Variants in GOLGA1 observed in about 807,000 individuals in gnomAD.
The protein encoded by GOLGA1 is golgin A1, also known as golgin subfamily A member 1.
Under a neutral mutation model 119.7 loss-of-function variants are expected in GOLGA1, and 63 were observed. The observed-to-expected ratio is 0.53, with a 90% confidence interval of 0.43 to 0.65. GOLGA1 has a LOEUF of 0.65. Ranked by LOEUF, GOLGA1 falls within the 30% of genes least tolerant of loss-of-function variation. The pLI, the probability that GOLGA1 is intolerant of heterozygous loss-of-function variation, is 0.00. For synonymous variants in GOLGA1, 318 were observed against 333.4 expected, an observed-to-expected ratio of 0.95 and a Z score of 0.50; for missense variants, 798 against 912.8, an observed-to-expected ratio of 0.87 and a Z score of 1.62.
chr9:124,926,439 C>G (rs989324177), intron 7 of GOLGA1, among the ~76,000 whole-genome samples: 3 of 152,138 alleles, frequency 2.0e-5, no homozygotes, highest in Non-Finnish European at 4.4e-5. Flanking sequence ...ATTCTGAGCC[C>G]TGCTGATACA....
intron 10 of GOLGA1, among the ~76,000 whole-genome samples, chr9:124,913,154 C>A (rs1480914944): frequency 2.6e-5 from 4 of 152,132 alleles, no homozygotes; most frequent in Non-Finnish European, 5.9e-5. Context: ...CATCAGCTCT[C>A]ATGAGAACTC....
chr9:124,902,818 C>T (rs1466058259), intron 12 of GOLGA1, among the ~76,000 whole-genome samples: 1 of 152,068 alleles, frequency 6.6e-6, no homozygotes, highest in Non-Finnish European at 1.5e-5. Context: ...GGCCTAGGCT[C>T]CTCACATACA....
At chr9:124,924,636 CAAAAA>C (rs71374206) in intron 7 of GOLGA1, among the ~76,000 whole-genome samples, 93 of 108,706 alleles carry the variant, frequency 8.6e-4, no homozygotes, top group Non-Finnish European at 2.1e-4. Context: ...GACCCTGTCT[CAAAAA>C]AAAAAAAAAA....
chr9:124,880,917 C>T (rs1042246337), intron 22 of GOLGA1, among the ~76,000 whole-genome samples: 4 of 152,134 alleles, frequency 2.6e-5, no homozygotes, highest in East Asian at 1.9e-4. Context: ...CTGGGGCTCT[C>T]GATAAAGCGC....
intron 19 of GOLGA1, among the ~76,000 whole-genome samples, chr9:124,886,274 A>C (rs1167079250): frequency 6.6e-6 from 1 of 152,172 alleles, no homozygotes; most frequent in Non-Finnish European, 1.5e-5. Context: ...AGTGCAGAGA[A>C]GAGCTGTGAG....
rs1354441683 is a variant in GOLGA1 at position 124,923,179 on chromosome 9, C to T, written c.477G>A (p.Gln159=). 2 of 1,598,074 alleles carry T rather than the reference C, an allele frequency of 1.3e-6. No homozygotes were observed. The highest frequency in any genetic ancestry group is 1.7e-6 in the Non-Finnish European group (2 of 1,166,568). ...LTAQLQEMKN[Q]SMNLFQRRDE... is the part of the protein sequence containing the mutation. ...CTCTCCTTTGGAAAAGATTCATACT[C>T]TGGTTCTTCATTTCCTGTAACTGGG... Residue 159 remains glutamine (Q), a synonymous_variant, in exon 8 of 23, where the codon CAG becomes CAA. Transcript: ENST00000373555.
upstream of GOLGA1, among the ~76,000 whole-genome samples, chr9:124,941,480 G>C (rs900742649): frequency 6.6e-6 from 1 of 152,320 alleles, no homozygotes; most frequent in South Asian, 2.1e-4. Context: ...CGCGCCGCCC[G>C]GTCCCGCCGC....
chr9:124,918,875 T>A (rs7853957), intron 10 of GOLGA1, among the ~76,000 whole-genome samples: 18 of 152,120 alleles, frequency 1.2e-4, no homozygotes, highest in African/African-American at 3.4e-4. Flanking sequence ...CTCCTGATCC[T>A]TGACATTCCA....
intron 2 of GOLGA1, among the ~76,000 whole-genome samples, chr9:124,939,142 GTTT>G (rs78434694): frequency 6.9e-6 from 1 of 145,230 alleles, no homozygotes; most frequent in African/African-American, 2.5e-5. Flanking sequence ...AAATCTCTAC[GTTT>G]TTTTTTTTTA....
In GOLGA1 at chr9:124,928,294, A is replaced by G. The variant is rs758559084; in HGVS notation, c.302-9T>C. On this transcript the variant is annotated splice_polypyrimidine_tract_variant and intron_variant, in intron 5 of 22. Coordinates refer to ENST00000373555, the MANE Select transcript of GOLGA1 (RefSeq NM_002077.4). The stretch of plus-strand genomic sequence containing the variant: ...AAATTTCCGCATGGAAGCTGTTAAC[A>G]AAGAGGCTCTATTTGAGATATGAAA... The G allele has an allele frequency of 8.1e-6, 12 of 1,483,128 alleles. No individual in the cohort carries two copies. The highest frequency in any genetic ancestry group is 3.4e-5 in the Admixed American group (2 of 59,040). The allele number at this position is 1,483,128 out of a possible 1,614,324, so 91.9% of individuals were successfully genotyped here. A position where few individuals can be genotyped will look rare whatever the true frequency, so the allele number is the denominator to read the frequency against.
chr9:124,903,823 G>A (rs1021856785), intron 12 of GOLGA1, among the ~76,000 whole-genome samples: 5 of 152,096 alleles, frequency 3.3e-5, no homozygotes. Context: ...GGCCGAGGTG[G>A]GCGGGTCACA....
chr9:124,937,163 G>T (rs866237348), intron 3 of GOLGA1, among the ~76,000 whole-genome samples: 2 of 152,038 alleles, frequency 1.3e-5, no homozygotes, highest in South Asian at 4.1e-4. Flanking sequence ...GAGTTTTAAA[G>T]AAATTTATTG....
In GOLGA1 at chr9:124,899,492, A is replaced by G. The variant is rs192347665; in HGVS notation, c.1162-14T>C. 3.2e-6 allele frequency: 5 copies of G among 1,542,142 alleles called. No homozygotes were observed. In the Admixed American group the frequency reaches 9.7e-5, roughly 30 times the overall value. On this transcript the variant is annotated splice_polypyrimidine_tract_variant and intron_variant, in intron 13 of 22. Coordinates refer to ENST00000373555, the MANE Select transcript of GOLGA1 (RefSeq NM_002077.4). ...GTTGGCGGCAGCCTGCGGGGAGACC[A>G]AAGGACGGTCAGTCAGGGTGACAAT...
chr9:124,885,992 TCTG>T (rs1264043166), intron 19 of GOLGA1, among the ~76,000 whole-genome samples: 1 of 152,112 alleles, frequency 6.6e-6, no homozygotes, highest in Non-Finnish European at 1.5e-5. Context: ...GCTGAAGGAA[TCTG>T]CTAACAGCCT....
At chr9:124,930,815 A>T (rs921562146) in intron 4 of GOLGA1, among the ~76,000 whole-genome samples, 1 of 152,240 alleles carries the variant, frequency 6.6e-6, no homozygotes, top group South Asian at 2.1e-4. Context: ...GACAAAAGAC[A>T]TAATGAGAGT....
chr9:124,901,911 T>C (rs572220408), intron 12 of GOLGA1, among the ~76,000 whole-genome samples: 5 of 152,318 alleles, frequency 3.3e-5, no homozygotes, highest in African/African-American at 1.2e-4. Flanking sequence ...ACTGACTCCA[T>C]ACCAGGAACT....
At chr9:124,894,085 T>G (rs1341514287) in intron 15 of GOLGA1, among the ~76,000 whole-genome samples, 3 of 152,226 alleles carry the variant, frequency 2.0e-5, no homozygotes, top group Non-Finnish European at 2.9e-5. Flanking sequence ...GGTCAGCTCT[T>G]TGTCTCCTTT....
intron 5 of GOLGA1, 36 bp downstream of exon 5, chr9:124,929,180 T>C (rs1830725940): frequency 1.6e-6 from 2 of 1,271,376 alleles, no homozygotes; most frequent in Non-Finnish European, 2.3e-6. Context: ...AACTAAACCT[T>C]GAAAAGATTG....
chr9:124,927,744 G>A (rs951025979), intron 6 of GOLGA1, among the ~76,000 whole-genome samples: 7 of 152,168 alleles, frequency 4.6e-5, no homozygotes, highest in Non-Finnish European at 4.4e-5. Flanking sequence ...CCTCTGTCCT[G>A]CTGGTTGGGA....
Sources: gnomAD v4.1 joint callset for allele counts (sites outside exome capture counted in the v4.1 genomes callset) on GRCh38, gnomAD v4.1.1 for gene constraint, MANE v1.5 for transcripts, NCBI Gene and HGNC (gene_info 2026-07-23, HGNC 2026-07-21) for gene names.